The following CAST variants were observed in gnomAD, a reference collection of about 807,000 sequenced individuals.
CAST encodes calpastatin, also known as MIR583 host.
Under a neutral mutation model 119.6 loss-of-function variants are expected in CAST, and 76 were observed. The ratio of observed to expected loss-of-function variants is 0.64; its 90% CI spans 0.53 to 0.77. The LOEUF (loss-of-function observed/expected upper bound fraction) is 0.77, where lower values mean the gene tolerates loss of function less well. Ranked by LOEUF, CAST falls within the 30% of genes least tolerant of loss-of-function variation. CAST has a pLI of 0.00. For synonymous variants in CAST, 319 were observed against 331.6 expected (o/e 0.96, Z 0.41); for missense variants, 953 against 946.5 (o/e 1.01, Z -0.09).
chr5:96,480,287 T>C, the CAST span, among the ~76,000 whole-genome samples: 2 of 152,082 alleles, frequency 1.3e-5, no homozygotes, highest in African/African-American at 2.4e-5. Flanking sequence ...AAGAGTAGAA[T>C]TGAATACAGA....
the CAST span, among the ~76,000 whole-genome samples, chr5:96,121,475 A>G: frequency 6.6e-6 from 1 of 150,442 alleles, no homozygotes; most frequent in Admixed American, 6.6e-5. Flanking sequence ...GCTTGCATTC[A>G]TTTTGATGAA....
At chr5:96,399,997 A>C in the CAST span, 1 of 1,614,178 alleles carries the variant, frequency 6.2e-7, no homozygotes, top group Non-Finnish European at 8.5e-7. Flanking sequence ...CTTTCTTCTC[A>C]GGCACGCTCC....
chr5:96,631,361 T>C (rs1747816131), intron 1 of CAST, among the ~76,000 whole-genome samples: 1 of 141,254 alleles, frequency 7.1e-6, no homozygotes, highest in Admixed American at 7.2e-5. Flanking sequence ...TCATAAAATA[T>C]GTGTCCTTTT....
chr5:96,363,395 G>A, the CAST span, among the ~76,000 whole-genome samples: 1 of 150,736 alleles, frequency 6.6e-6, no homozygotes, highest in Non-Finnish European at 1.5e-5. Context: ...GCTTGATGGG[G>A]ATGGCATTGA....
At chr5:96,579,215 A>C (rs1173647860) in intron 1 of CAST, among the ~76,000 whole-genome samples, 2 of 152,122 alleles carry the variant, frequency 1.3e-5, no homozygotes, top group African/African-American at 4.8e-5. Flanking sequence ...TAGGCCAGGT[A>C]CCTACTGTGG....
At chr5:96,411,250 A>G in the CAST span, among the ~76,000 whole-genome samples, 9 of 152,326 alleles carry the variant, frequency 5.9e-5, 2 homozygotes, top group African/African-American at 2.2e-4. Context: ...GCAGATTCAT[A>G]ATCTAGCGTT....
the CAST span, among the ~76,000 whole-genome samples, chr5:96,413,963 CAAAAAAAAAA>C: frequency 9.4e-4 from 21 of 22,428 alleles, no homozygotes; most frequent in East Asian, 1.4e-3. Flanking sequence ...ACTAAAAATA[CAAAAAAAAAA>C]AAAAAAAAAA....
chr5:96,690,109 G>A (rs939258867), intron 2 of CAST, among the ~76,000 whole-genome samples: 5 of 152,132 alleles, frequency 3.3e-5, no homozygotes, highest in Admixed American at 6.5e-5. Context: ...GATGACACAC[G>A]GAAACTGAGT....
At chr5:96,370,640 A>T in the CAST span, among the ~76,000 whole-genome samples, 1 of 151,208 alleles carries the variant, frequency 6.6e-6, no homozygotes, top group African/African-American at 2.4e-5. Flanking sequence ...CTGTTGCTTT[A>T]TTCCAGCTCT....
At chr5:96,345,400 T>C in the CAST span, among the ~76,000 whole-genome samples, 1 of 152,144 alleles carries the variant, frequency 6.6e-6, no homozygotes, top group African/African-American at 2.4e-5. Context: ...GGAGAGATTG[T>C]ATCTTGATTC....
the CAST span, among the ~76,000 whole-genome samples, chr5:96,509,825 T>C: frequency 6.6e-6 from 1 of 152,218 alleles, no homozygotes; most frequent in African/African-American, 2.4e-5. Flanking sequence ...CTAACTTCTG[T>C]TGTTTTTCTT....
chr5:96,159,904 C>A, the CAST span, among the ~76,000 whole-genome samples: 1 of 151,194 alleles, frequency 6.6e-6, no homozygotes, highest in East Asian at 1.9e-4. Context: ...GAGGCTGAGG[C>A]GGGCAGATCA....
At chr5:96,527,573 C>T (rs971642576), upstream of CAST, among the ~76,000 whole-genome samples, 1 of 152,164 alleles carries the variant, frequency 6.6e-6, no homozygotes, top group Non-Finnish European at 1.5e-5. Context: ...ACAGCAGGCT[C>T]ATAGGTGATA....
At chr5:96,581,859 C>A (rs569129060) in intron 1 of CAST, among the ~76,000 whole-genome samples, 2 of 151,764 alleles carry the variant, frequency 1.3e-5, no homozygotes, top group African/African-American at 4.8e-5. Context: ...CCACTCCACT[C>A]CAGCCTGGGC....
intron 1 of CAST, among the ~76,000 whole-genome samples, chr5:96,546,877 C>A (rs1441844640): frequency 1.3e-5 from 2 of 152,082 alleles, no homozygotes; most frequent in African/African-American, 2.4e-5. Context: ...AATAGTGAAC[C>A]AATGTGATGG....
At chr5:96,640,589 G>A (rs1747937871) in intron 1 of CAST, among the ~76,000 whole-genome samples, 2 of 152,166 alleles carry the variant, frequency 1.3e-5, no homozygotes, top group Admixed American at 1.3e-4. Context: ...GAGCCCTTGG[G>A]ATCAACACCT....
the CAST span, among the ~76,000 whole-genome samples, chr5:96,073,623 A>G: frequency 6.6e-6 from 1 of 152,166 alleles, no homozygotes; most frequent in African/African-American, 2.4e-5. Context: ...GTCATCAGAC[A>G]TTAGTTAGAT....
At chr5:96,226,970 T>C in the CAST span, among the ~76,000 whole-genome samples, 1 of 152,234 alleles carries the variant, frequency 6.6e-6, no homozygotes, top group East Asian at 1.9e-4. Context: ...CTCTTCTGAG[T>C]GTCCACGGTT....
the CAST span, among the ~76,000 whole-genome samples, chr5:96,131,393 C>A: frequency 6.6e-6 from 1 of 151,558 alleles, no homozygotes; most frequent in Non-Finnish European, 1.5e-5. Flanking sequence ...TGGAATGCAG[C>A]TGTAAATTTA....
Sources: allele counts gnomAD v4.1 joint callset (sites outside exome capture counted in the v4.1 genomes callset), GRCh38; gene constraint gnomAD v4.1.1; transcripts MANE v1.5; gene names NCBI Gene and HGNC (gene_info 2026-07-23, HGNC 2026-07-21).